CDH9: variants seen among roughly 807,000 people sequenced by gnomAD.
CDH9 encodes cadherin-9.
In CDH9, 28 loss-of-function variants were observed where a neutral mutation model predicts 70.9. The ratio of observed to expected loss-of-function variants is 0.40; its 90% confidence interval spans 0.29 to 0.54. CDH9 has a LOEUF of 0.54. Ranked by LOEUF, CDH9 falls within the 20% of genes least tolerant of loss-of-function variation. CDH9 has a pLI of 0.59. For missense variants in CDH9, 874 were observed against 984.4 expected, an observed-to-expected ratio of 0.89 and a Z score of 1.50; for synonymous variants, 409 against 343.1, an observed-to-expected ratio of 1.19 and a Z score of -2.12.
intron 2 of CDH9, among the ~76,000 whole-genome samples, chr5:26,985,497 T>C (rs1742474519): frequency 6.6e-6 from 1 of 152,154 alleles, no homozygotes; most frequent in Non-Finnish European, 1.5e-5. Context: ...CTGCACTATT[T>C]TATTTTTCTA....
intron 1 of CDH9, among the ~76,000 whole-genome samples, chr5:26,997,080 A>G (rs999375434): frequency 8.5e-5 from 13 of 152,104 alleles, no homozygotes; most frequent in African/African-American, 3.1e-4. Flanking sequence ...CAAAATAAAA[A>G]TAACATCATA....
At chr5:26,970,450 C>A (rs764316417) in intron 2 of CDH9, among the ~76,000 whole-genome samples, 3 of 151,988 alleles carry the variant, frequency 2.0e-5, no homozygotes, top group Non-Finnish European at 4.4e-5. Flanking sequence ...AGAAAAACAA[C>A]CTCACTGCAT....
At chr5:26,906,919 C>T (rs547025735) in intron 3 of CDH9, 81 bp from the exon 4 acceptor site, 93 of 1,451,264 alleles carry the variant, frequency 6.4e-5, no homozygotes, top group Non-Finnish European at 7.8e-5. Flanking sequence ...ATATGTTGCT[C>T]TCAGTGTTTT....
chr5:26,919,605 C>T (rs1741209535), intron 2 of CDH9, among the ~76,000 whole-genome samples: 1 of 152,108 alleles, frequency 6.6e-6, no homozygotes, highest in South Asian at 2.1e-4. Flanking sequence ...CAAATGTGTA[C>T]TTGTGCCACC....
chr5:26,976,280 G>T (rs1307763017), intron 2 of CDH9, among the ~76,000 whole-genome samples: 3 of 152,144 alleles, frequency 2.0e-5, no homozygotes, highest in Admixed American at 1.3e-4. Context: ...AAACAGATTG[G>T]ATGAAATATT....
At chr5:26,981,464 C>T (rs1012905878) in intron 2 of CDH9, among the ~76,000 whole-genome samples, 1 of 151,966 alleles carries the variant, frequency 6.6e-6, no homozygotes, top group Non-Finnish European at 1.5e-5. Context: ...TGCAACAATC[C>T]TTTATTTTTC....
intron 7 of CDH9, among the ~76,000 whole-genome samples, chr5:26,891,329 G>C (rs1281530572): frequency 6.6e-6 from 1 of 152,174 alleles, no homozygotes; most frequent in Non-Finnish European, 1.5e-5. Context: ...CACTGAAACA[G>C]GGAATTATCC....
At chr5:26,961,406 C>T (rs563123816) in intron 2 of CDH9, among the ~76,000 whole-genome samples, 12 of 152,162 alleles carry the variant, frequency 7.9e-5, no homozygotes, top group Non-Finnish European at 1.8e-4. Context: ...TCCCCAATCA[C>T]CCCTCAATGG....
chr5:26,951,765 T>C (rs1741849315), intron 2 of CDH9, among the ~76,000 whole-genome samples: 1 of 152,108 alleles, frequency 6.6e-6, no homozygotes, highest in Non-Finnish European at 1.5e-5. Flanking sequence ...GATTTAACAA[T>C]AGTTACTCAC....
intron 2 of CDH9, among the ~76,000 whole-genome samples, chr5:26,969,292 A>C (rs963290648): frequency 2.0e-5 from 3 of 152,148 alleles, no homozygotes; most frequent in African/African-American, 7.2e-5. Flanking sequence ...CTATTATTTT[A>C]TGTTTTGTTA....
At chr5:27,020,875 G>A (rs997686798) in intron 1 of CDH9, among the ~76,000 whole-genome samples, 3 of 151,560 alleles carry the variant, frequency 2.0e-5, no homozygotes, top group Non-Finnish European at 4.4e-5. Flanking sequence ...TGGATAAATA[G>A]TATTTTAAAA....
chr5:26,968,280 G>A (rs2112069903), intron 2 of CDH9, among the ~76,000 whole-genome samples: 1 of 142,150 alleles, frequency 7.0e-6, no homozygotes. Context: ...TGGTGTCTGA[G>A]GTATTTTTAT....
intron 1 of CDH9, among the ~76,000 whole-genome samples, chr5:26,998,255 C>T: frequency 6.6e-6 from 1 of 152,050 alleles, no homozygotes. Context: ...AATTTTCTCC[C>T]ATTCTGTAGG....
Position 26,903,678 on chromosome 5 carries a change from T to C in CDH9, c.958A>G (p.Thr320Ala). The change falls in exon 6 of 12, where the codon ACT becomes GCT. Residue 320 changes from threonine (T) to alanine (A), a missense_variant. By Grantham distance (58) the Thr-to-Ala change is moderately conservative. Transcript: ENST00000231021. ...GDGADMFDVITDKDTQEGIIT... is the reference protein window; with the variant it reads ...GDGADMFDVIADKDTQEGIIT... ...ATCCCTTCCTGTGTATCCTTGTCAG[T>C]GATGACATCGAACATGTCTGCACCA... is the stretch of plus-strand genomic sequence containing the variant. The C allele has an allele frequency of 1.2e-6, 2 of 1,610,564 alleles. No homozygotes were observed. The highest frequency in any genetic ancestry group is 1.7e-6 in the Non-Finnish European group (2 of 1,176,910).
At chr5:27,026,325 A>G (rs905034350) in intron 1 of CDH9, among the ~76,000 whole-genome samples, 2 of 151,958 alleles carry the variant, frequency 1.3e-5, no homozygotes, top group Admixed American at 6.6e-5. Context: ...CTATTCTAAC[A>G]TGAGTAAATT....
intron 2 of CDH9, among the ~76,000 whole-genome samples, chr5:26,939,480 T>C (rs1741621701): frequency 6.6e-6 from 1 of 151,586 alleles, no homozygotes; most frequent in Non-Finnish European, 1.5e-5. Context: ...ATATATACTG[T>C]CTCTACTGTT....
intron 1 of CDH9, among the ~76,000 whole-genome samples, chr5:27,018,474 G>A (rs1173167960): frequency 2.6e-5 from 4 of 151,494 alleles, no homozygotes; most frequent in Admixed American, 2.0e-4. Flanking sequence ...TCCACTATTA[G>A]TAAGTTCAAC....
intron 1 of CDH9, among the ~76,000 whole-genome samples, chr5:27,034,788 A>G (rs1743364246): frequency 6.6e-6 from 1 of 151,646 alleles, no homozygotes; most frequent in African/African-American, 2.4e-5. Flanking sequence ...CTAGAAGACT[A>G]TGTCTTACTA....
At chr5:26,983,326 A>C (rs1742433711) in intron 2 of CDH9, among the ~76,000 whole-genome samples, 1 of 152,198 alleles carries the variant, frequency 6.6e-6, no homozygotes, top group African/African-American at 2.4e-5. Flanking sequence ...ATTTCAGTTA[A>C]TTTTCTAGAG....
Sources: gnomAD v4.1 joint callset for allele counts (sites outside exome capture counted in the v4.1 genomes callset) on GRCh38, gnomAD v4.1.1 for gene constraint, MANE v1.5 for transcripts, NCBI Gene and HGNC (gene_info 2026-07-23, HGNC 2026-07-21) for gene names.